The following FAR2 variants were observed in gnomAD, a reference collection of about 807,000 sequenced individuals.
The protein encoded by FAR2 is fatty acyl-CoA reductase 2, also known as epididymis secretory protein Li 81.
FAR2 carries 19 observed loss-of-function variants against 56.0 expected under a neutral mutation model. The observed-to-expected ratio is 0.34, with a 90% CI of 0.24 to 0.50. FAR2 has a LOEUF of 0.50. FAR2 is among the 20% of genes least tolerant of loss of function. The pLI is 0.98. For synonymous variants in FAR2, 219 were observed against 218.8 expected, an observed-to-expected ratio of 1.00 and a Z score of -0.01; for missense variants, 508 against 642.2, an observed-to-expected ratio of 0.79 and a Z score of 2.26.
At chr12:29,305,816 A>T (rs1040397746) in intron 4 of FAR2, among the ~76,000 whole-genome samples, 1 of 152,196 alleles carries the variant, frequency 6.6e-6, no homozygotes, top group Admixed American at 6.5e-5. Flanking sequence ...TGCTGTCAGA[A>T]ATCTACGAAA....
chr12:29,152,195 G>A (rs543629942), intron 1 of FAR2, among the ~76,000 whole-genome samples: 12 of 152,150 alleles, frequency 7.9e-5, no homozygotes, highest in Non-Finnish European at 1.3e-4. Context: ...AACGTCGAAC[G>A]GTGAGAAAAT....
At chr12:29,167,160 C>T (rs568087498) in intron 1 of FAR2, among the ~76,000 whole-genome samples, 1 of 152,254 alleles carries the variant, frequency 6.6e-6, no homozygotes, top group South Asian at 2.1e-4. Flanking sequence ...ATCGCTATCC[C>T]CATTGGATAC....
rs1474671265 is a variant in FAR2, at chr12:29,311,107, A to G, written c.848A>G (p.Asn283Ser). 2 of 1,613,580 alleles carry G rather than the reference A, an allele frequency of 1.2e-6. No homozygotes were observed. ...GTAATTCCAGTTGATACAGTCGTCA[A>G]TCTCATGCTAGCTGTAGGATGGTAT... ...ADVIPVDTVV[N>S]LMLAVGWYTA... The change falls in exon 7 of 12, where the codon AAT (asparagine) becomes AGT (serine). Residue 283 changes from asparagine (N) to serine (S), a missense_variant. Coordinates refer to ENST00000536681, the MANE Select transcript of FAR2 (RefSeq NM_001271783.2).
intron 3 of FAR2, among the ~76,000 whole-genome samples, chr12:29,295,632 T>C (rs1391681052): frequency 1.3e-5 from 2 of 152,094 alleles, no homozygotes; most frequent in African/African-American, 4.8e-5. Context: ...TTTTATTTGT[T>C]TTTTGTTATT....
intron 1 of FAR2, among the ~76,000 whole-genome samples, chr12:29,199,022 G>A (rs901254143): frequency 3.3e-5 from 5 of 152,268 alleles, no homozygotes; most frequent in African/African-American, 1.2e-4. Context: ...GAAGACAGAT[G>A]TGCAAACAAT....
intron 1 of FAR2, among the ~76,000 whole-genome samples, chr12:29,215,032 T>G (rs954148939): frequency 6.6e-6 from 1 of 151,994 alleles, no homozygotes; most frequent in African/African-American, 2.4e-5. Context: ...AGTATAATAT[T>G]CAAAGAAGAG....
chr12:29,242,097 C>G (rs903640518), intron 1 of FAR2, among the ~76,000 whole-genome samples: 1 of 152,138 alleles, frequency 6.6e-6, no homozygotes, highest in Non-Finnish European at 1.5e-5. Flanking sequence ...CACTTTACAC[C>G]GAAGGAGTCA....
At chr12:29,254,849 A>G (rs1394060765) in intron 1 of FAR2, among the ~76,000 whole-genome samples, 1 of 151,756 alleles carries the variant, frequency 6.6e-6, no homozygotes, top group African/African-American at 2.4e-5. Context: ...GCTACTTGGG[A>G]GGCTGAGGCA....
At chr12:29,288,012 T>C (rs1948904071) in intron 2 of FAR2, among the ~76,000 whole-genome samples, 1 of 152,228 alleles carries the variant, frequency 6.6e-6, no homozygotes, top group African/African-American at 2.4e-5. Flanking sequence ...GTTTTCTCTT[T>C]CTGCTGAATT....
chr12:29,257,331 C>A (rs571030717), intron 1 of FAR2, among the ~76,000 whole-genome samples: 1 of 152,058 alleles, frequency 6.6e-6, no homozygotes, highest in African/African-American at 2.4e-5. Context: ...CTGGTGGGGA[C>A]GTGGAGAACC....
intron 1 of FAR2, among the ~76,000 whole-genome samples, chr12:29,254,750 G>A (rs1205255096): frequency 3.3e-5 from 5 of 152,078 alleles, no homozygotes; most frequent in Admixed American, 2.6e-4. Flanking sequence ...TCAGGAGTTC[G>A]AGACTAGCGT....
At chr12:29,224,925 A>G (rs1438545975) in intron 1 of FAR2, among the ~76,000 whole-genome samples, 1 of 152,198 alleles carries the variant, frequency 6.6e-6, no homozygotes, top group Non-Finnish European at 1.5e-5. Context: ...ACATGAATTC[A>G]CAAGTAGTTA....
At chr12:29,280,331 C>G (rs1948767830) in intron 2 of FAR2, 1 of 152,336 alleles carries the variant, frequency 6.6e-6, no homozygotes, top group Non-Finnish European at 1.5e-5. Context: ...CAGTTTCACA[C>G]TCTTATCAAG....
At chr12:29,158,329 C>CT (rs1431814168) in intron 1 of FAR2, among the ~76,000 whole-genome samples, 2 of 152,188 alleles carry the variant, frequency 1.3e-5, no homozygotes, top group Admixed American at 1.3e-4. Flanking sequence ...AAGATGGGCA[C>CT]TTGTTCTTTT....
At chr12:29,224,950 G>A (rs1431619371) in intron 1 of FAR2, among the ~76,000 whole-genome samples, 1 of 152,202 alleles carries the variant, frequency 6.6e-6, no homozygotes, top group African/African-American at 2.4e-5. Flanking sequence ...CGAGTGTAGT[G>A]ACTCAGACCT....
chr12:29,189,634 A>G (rs557584202), intron 1 of FAR2, among the ~76,000 whole-genome samples: 3 of 152,308 alleles, frequency 2.0e-5, no homozygotes, highest in Non-Finnish European at 4.4e-5. Flanking sequence ...GAACTAACCA[A>G]TATATATACA....
At chr12:29,180,780 C>G (rs1203895077) in intron 1 of FAR2, among the ~76,000 whole-genome samples, 1 of 150,144 alleles carries the variant, frequency 6.7e-6, no homozygotes, top group African/African-American at 2.5e-5. Flanking sequence ...TATTCTCTAT[C>G]TGTAAAATCG....
intron 1 of FAR2, among the ~76,000 whole-genome samples, chr12:29,164,826 T>A (rs1463017285): frequency 6.6e-6 from 1 of 152,092 alleles, no homozygotes; most frequent in African/African-American, 2.4e-5. Flanking sequence ...AAAACAAAAC[T>A]AAACTAAAGA....
chr12:29,225,437 G>A (rs1947750887), intron 1 of FAR2, among the ~76,000 whole-genome samples: 1 of 152,104 alleles, frequency 6.6e-6, no homozygotes, highest in Non-Finnish European at 1.5e-5. Context: ...GTTAGCTATT[G>A]TTGTTACTAT....
Sources: allele counts gnomAD v4.1 joint callset (sites outside exome capture counted in the v4.1 genomes callset), GRCh38; gene constraint gnomAD v4.1.1; transcripts MANE v1.5; gene names NCBI Gene and HGNC (gene_info 2026-07-23, HGNC 2026-07-21).